PRKAR1B: variants seen among roughly 807,000 people sequenced by gnomAD.
PRKAR1B encodes cAMP-dependent protein kinase type I-beta regulatory subunit.
Under a neutral mutation model 46.5 loss-of-function variants are expected in PRKAR1B, and 22 were observed. The ratio of observed to expected loss-of-function variants is 0.47; its 90% CI spans 0.34 to 0.68. The LOEUF (loss-of-function observed/expected upper bound fraction) is 0.68, where lower values mean the gene tolerates loss of function less well. Among genes scored for constraint, PRKAR1B ranks in the 30% least tolerant of loss-of-function variants. The pLI, the probability that PRKAR1B is intolerant of heterozygous loss-of-function variation, is 0.01. For synonymous variants in PRKAR1B, 259 were observed against 217.7 expected (o/e 1.19, Z -1.67); for missense variants, 445 against 535.6 (o/e 0.83, Z 1.67).
At position 643,326 on chromosome 7, in the gene PRKAR1B, C is replaced by T. The variant is rs78745330; in HGVS notation, c.440+33903G>A. 5.1e-3 allele frequency among the ~76,000 whole-genome samples: 768 copies of T among 151,554 alleles called. 12 individuals carry two copies. Among genetic ancestry groups the T allele is most frequent in the Middle Eastern group, 0.017 (5 of 294 alleles). On this transcript the variant is annotated intron_variant, in intron 4 of 10. Coordinates refer to ENST00000537384, the MANE Select transcript of PRKAR1B (RefSeq NM_001164760.2). ...TTTAAAACCATGAGCTTAGGCAGCG[C>T]GAGGCACGGGGAATCCCTAAAGGAA...
At chr7:580,262 C>T (rs9801108) in intron 8 of PRKAR1B, among the ~76,000 whole-genome samples, 57,523 of 147,768 alleles carry the variant, frequency 0.39, 11,847 homozygotes, top group African/African-American at 0.48. Flanking sequence ...AAGAAAAAAA[C>T]AGAAAAACTG....
chr7:687,835 C>T (rs991871254), intron 2 of PRKAR1B, among the ~76,000 whole-genome samples: 6 of 152,172 alleles, frequency 3.9e-5, no homozygotes, highest in Non-Finnish European at 8.8e-5. Context: ...GTGGCTCATG[C>T]CTGTAATCCC....
chr7:691,027 C>A (rs1326732807), intron 2 of PRKAR1B, among the ~76,000 whole-genome samples: 1 of 143,718 alleles, frequency 7.0e-6, no homozygotes, highest in Non-Finnish European at 1.5e-5. Context: ...ACTGGCCAGT[C>A]CGCTGCAAAT....
chr7:646,978 C>G (rs1483475922), intron 4 of PRKAR1B, among the ~76,000 whole-genome samples: 1 of 152,112 alleles, frequency 6.6e-6, no homozygotes, highest in Non-Finnish European at 1.5e-5. Context: ...GTGACACTGC[C>G]CCCCACTCCT....
chr7:552,273 C>T (rs1318850173), intron 9 of PRKAR1B, among the ~76,000 whole-genome samples: 2 of 114,018 alleles, frequency 1.8e-5, no homozygotes, highest in Non-Finnish European at 3.7e-5. Context: ...TTCTCCAGAG[C>T]TACTGCCATC....
intron 7 of PRKAR1B, among the ~76,000 whole-genome samples, chr7:590,444 C>A (rs1780911132): frequency 6.6e-6 from 1 of 152,200 alleles, no homozygotes; most frequent in Non-Finnish European, 1.5e-5. Flanking sequence ...CGTGCCCAGT[C>A]CAGGGGACCA....
Position 727,190 on chromosome 7 carries a change from G to T in PRKAR1B, c.-23+20C>A. The T allele has an allele frequency of 7.4e-7, 1 of 1,344,756 alleles. No homozygotes were observed. The highest frequency in any genetic ancestry group is 9.6e-7 in the Non-Finnish European group (1 of 1,044,196). 83.3% of individuals were successfully genotyped at this position (1,344,756 alleles called of 1,614,324 possible). On this transcript the variant is annotated intron_variant, in intron 1 of 10. Transcript: ENST00000537384. ...CTGGGCCTGGCCGTGGACCTGTGCG[G>T]CGCCGCGCTCGCGCCCCACCTGGAC...
intron 9 of PRKAR1B, among the ~76,000 whole-genome samples, chr7:575,786 G>A (rs778327729): frequency 6.6e-6 from 1 of 152,146 alleles, no homozygotes. Context: ...TGTTGCCCAG[G>A]CTGGTCTTGA....
At chr7:716,345 C>T (rs984558458) in intron 1 of PRKAR1B, among the ~76,000 whole-genome samples, 6 of 151,262 alleles carry the variant, frequency 4.0e-5, no homozygotes, top group Admixed American at 6.6e-5. Flanking sequence ...TATGAGCCAC[C>T]GCACCCGGTC....
chr7:715,460 T>G (rs1780838908), intron 1 of PRKAR1B, among the ~76,000 whole-genome samples: 1 of 152,112 alleles, frequency 6.6e-6, no homozygotes, highest in African/African-American at 2.4e-5. Flanking sequence ...TGTGACACTG[T>G]GCCCAAGCAG....
intron 1 of PRKAR1B, among the ~76,000 whole-genome samples, chr7:722,635 G>A (rs1781114608): frequency 1.3e-5 from 2 of 152,270 alleles, no homozygotes; most frequent in Admixed American, 1.3e-4. Flanking sequence ...GCCTCACAAA[G>A]TGCTGGGATG....
chr7:717,921 G>A (rs1292999991), intron 1 of PRKAR1B, among the ~76,000 whole-genome samples: 2 of 152,028 alleles, frequency 1.3e-5, no homozygotes, highest in Non-Finnish European at 2.9e-5. Flanking sequence ...CAGCAAAGGT[G>A]AGGAGTGAGC....
chr7:690,473 GAAATT>G (rs1355226414), intron 2 of PRKAR1B, among the ~76,000 whole-genome samples: 2 of 152,070 alleles, frequency 1.3e-5, no homozygotes, highest in Non-Finnish European at 2.9e-5. Flanking sequence ...TGGAAAAAAA[GAAATT>G]AAATAAGAAG....
rs535784116 is a variant in PRKAR1B at position 593,566 on chromosome 7, G to A, written c.708+2580C>T. Among the ~76,000 whole-genome samples the A allele has an allele frequency of 5.3e-5, 8 of 152,302 alleles. No homozygotes were observed. The highest frequency in any genetic ancestry group is 1.9e-4 in the East Asian group (1 of 5,176). ...AGGGCGTCAAGGATGGTGGGGAAAC[G>A]GCTTATGCAACGCCGGGCCAGGTGC... On this transcript the variant is annotated intron_variant, in intron 7 of 10. Coordinates refer to ENST00000537384, the MANE Select transcript of PRKAR1B (RefSeq NM_001164760.2). This position sits in a 1 kb window ranked among gnomAD's most constrained non-coding sequence, Gnocchi z 6.1.
At chr7:658,941 G>A (rs922631343) in intron 4 of PRKAR1B, among the ~76,000 whole-genome samples, 5 of 152,146 alleles carry the variant, frequency 3.3e-5, no homozygotes, top group Admixed American at 6.5e-5. Context: ...ATGAGCCACC[G>A]TGCCTGGCCT....
chr7:629,957 G>A (rs965755767), intron 4 of PRKAR1B, among the ~76,000 whole-genome samples: 1 of 102,570 alleles, frequency 9.7e-6, no homozygotes, highest in Non-Finnish European at 2.0e-5. Context: ...CGGCCTCCCA[G>A]GGCGCCACCA....
intron 4 of PRKAR1B, among the ~76,000 whole-genome samples, chr7:630,774 C>T (rs952808136): frequency 2.6e-5 from 4 of 152,080 alleles, no homozygotes; most frequent in Admixed American, 6.5e-5. Context: ...CAGCCACCCC[C>T]AGGCCCAGTC....
At chr7:712,542 G>C (rs1583454009) in intron 1 of PRKAR1B, 1 of 139,986 alleles carries the variant, frequency 7.1e-6, no homozygotes, top group African/African-American at 2.6e-5. Context: ...CCCGCGCCGC[G>C]CGCAGCTGCT....
chr7:584,843 C>T (rs999102962), intron 7 of PRKAR1B, among the ~76,000 whole-genome samples: 26 of 152,106 alleles, frequency 1.7e-4, no homozygotes, highest in African/African-American at 5.3e-4. Flanking sequence ...AGCCAGGACC[C>T]GTGGTAGTTC....
Sources: gnomAD v4.1 joint callset for allele counts (sites outside exome capture counted in the v4.1 genomes callset) on GRCh38, gnomAD v4.1.1 for gene constraint, Gnocchi (gnomAD v3.1) non-coding constraint, MANE v1.5 for transcripts, NCBI Gene and HGNC (gene_info 2026-07-23, HGNC 2026-07-21) for gene names.